Variants in ATXN1 observed in about 807,000 individuals in gnomAD.
The protein encoded by ATXN1 is ataxin 1.
A neutral mutation model predicts 56.4 loss-of-function variants in ATXN1; 8 were observed. The observed-to-expected ratio is 0.14, with a 90% CI of 0.08 to 0.26. The LOEUF (loss-of-function observed/expected upper bound fraction) is 0.26. ATXN1 is among the 10% of genes least tolerant of loss of function. The probability of loss-of-function intolerance (pLI) is 1.00; values close to 1 mark genes in which losing one functional copy is unlikely to be tolerated. For synonymous variants in ATXN1, 514 were observed against 494.6 expected (o/e 1.04, Z -0.52); for missense variants, 987 against 1,106.5 (o/e 0.89, Z 1.53).
At chr6:16,568,139 T>A (rs1237578535) in intron 4 of ATXN1, among the ~76,000 whole-genome samples, 2 of 152,220 alleles carry the variant, frequency 1.3e-5, no homozygotes, top group African/African-American at 4.8e-5. Context: ...TTTCTACAAT[T>A]TATAGGCGGA....
chr6:16,735,027 C>G (rs541264425), intron 2 of ATXN1, among the ~76,000 whole-genome samples: 3 of 152,150 alleles, frequency 2.0e-5, no homozygotes, highest in East Asian at 1.9e-4. Flanking sequence ...TTAGTAAAAA[C>G]AATTTTTGAA....
chr6:16,427,842 T>C (rs1254472177), intron 6 of ATXN1, among the ~76,000 whole-genome samples: 1 of 152,212 alleles, frequency 6.6e-6, no homozygotes, highest in Non-Finnish European at 1.5e-5. Context: ...GAAAATGTAT[T>C]CCATAGGGCT....
At chr6:16,716,687 G>T (rs1413454244) in intron 2 of ATXN1, among the ~76,000 whole-genome samples, 1 of 152,184 alleles carries the variant, frequency 6.6e-6, no homozygotes, top group African/African-American at 2.4e-5. Context: ...TTGGACTATG[G>T]TCTCTTTCAC....
intron 6 of ATXN1, among the ~76,000 whole-genome samples, chr6:16,370,604 T>G (rs976676711): frequency 6.6e-6 from 1 of 152,182 alleles, no homozygotes; most frequent in African/African-American, 2.4e-5. Context: ...GCTCCTAATA[T>G]CTCCAACATG....
chr6:16,322,231 A>G (rs1760671605), intron 7 of ATXN1, among the ~76,000 whole-genome samples: 1 of 152,162 alleles, frequency 6.6e-6, no homozygotes, highest in African/African-American at 2.4e-5. Flanking sequence ...TCTCAAAACA[A>G]GCAAACAAAC....
intron 7 of ATXN1, among the ~76,000 whole-genome samples, chr6:16,314,492 A>G (rs1760466671): frequency 6.6e-6 from 1 of 152,232 alleles, no homozygotes; most frequent in South Asian, 2.1e-4. Context: ...GATGTGAAAC[A>G]GAGACGGTGT....
intron 6 of ATXN1, among the ~76,000 whole-genome samples, chr6:16,341,912 C>T (rs1235022960): frequency 1.6e-5 from 2 of 128,824 alleles, no homozygotes; most frequent in Non-Finnish European, 3.1e-5. Context: ...GACGGAGTCT[C>T]GCTCTGTCAC....
Position 16,327,663 on chromosome 6 carries a change from C to CTGA in ATXN1, c.647_648insTCA (p.Gln215_Gln216insHis), listed in dbSNP as rs766029394. ...GCTGCTGCTGCTGCTGCTGCTGCTG[C>CTGA]TGCTGCTGCTGCTGATGCTGATGCT... On this transcript the variant is annotated inframe_insertion, in exon 7 of 8. Coordinates refer to ENST00000436367, the MANE Select transcript of ATXN1 (RefSeq NM_001128164.2). The CTGA allele has an allele frequency of 3.1e-3, 4,740 of 1,522,314 alleles. 12 individuals are homozygous for CTGA. The East Asian group carries it at 0.067, about 21-fold the overall frequency. The allele number at this position is 1,522,314 out of a possible 1,614,324, so 94.3% of individuals were successfully genotyped here.
chr6:16,679,752 C>A (rs978544158), intron 2 of ATXN1, among the ~76,000 whole-genome samples: 1 of 152,132 alleles, frequency 6.6e-6, no homozygotes, highest in African/African-American at 2.4e-5. Flanking sequence ...AGTATTGTAT[C>A]ACTACAGTTA....
chr6:16,509,276 T>C (rs1203623787), intron 5 of ATXN1, among the ~76,000 whole-genome samples: 1 of 152,208 alleles, frequency 6.6e-6, no homozygotes, highest in African/African-American at 2.4e-5. Flanking sequence ...ACTGTCATTT[T>C]CTATCCTGTC....
At chr6:16,585,113 C>T (rs1762599851) in intron 4 of ATXN1, among the ~76,000 whole-genome samples, 1 of 151,244 alleles carries the variant, frequency 6.6e-6, no homozygotes. Flanking sequence ...TGGTGATGTG[C>T]ACCTGTAGTC....
intron 5 of ATXN1, among the ~76,000 whole-genome samples, chr6:16,510,928 A>G (rs1761071694): frequency 6.6e-6 from 1 of 152,194 alleles, no homozygotes; most frequent in African/African-American, 2.4e-5. Flanking sequence ...CTGCTTGCCA[A>G]TAGTACACTT....
rs911311767 is a variant in ATXN1, at chr6:16,326,831, C to CA, written c.1479_1480insT (p.Val494CysfsTer5). 6.2e-7 allele frequency: 1 copy of CA among 1,607,374 alleles called. No homozygotes were observed. The highest frequency in any genetic ancestry group is 1.3e-5 in the African/African-American group (1 of 74,810). On this transcript the variant is annotated frameshift_variant, in exon 7 of 8. Coordinates refer to ENST00000436367, the MANE Select transcript of ATXN1 (RefSeq NM_001128164.2). LOFTEE classifies it high-confidence loss of function. This position sits in a 1 kb window ranked among gnomAD's most constrained non-coding sequence, Gnocchi z 6.6. The stretch of plus-strand genomic sequence containing the variant: ...GACGCTTCCATGTCAGTGCTGCCGA[C>CA]CGGGATGAGCAGGGGCTGTGTGCCG...
chr6:16,302,777 A>C lies in ATXN1; in HGVS notation c.*3552T>G, dbSNP rs1156972145. ...AAAAATGGAAAACAGGAAAGAAAGA[A>C]CAAAAGACGGCTGTCGGTAAATATT... On this transcript the variant is annotated 3_prime_UTR_variant, in exon 8 of 8. Coordinates refer to ENST00000436367, the MANE Select transcript of ATXN1 (RefSeq NM_001128164.2). 6.5e-6 allele frequency: 1 copy of C among 152,700 alleles called. No individual in the cohort carries two copies. The highest frequency in any genetic ancestry group is 2.4e-5 in the African/African-American group (1 of 41,466). The allele number at this position is 152,700 out of a possible 1,614,324, so 9.5% of individuals were successfully genotyped here. A position where few individuals can be genotyped will look rare whatever the true frequency, so the allele number is the denominator to read the frequency against.
At chr6:16,672,951 T>C (rs1205333831) in intron 2 of ATXN1, among the ~76,000 whole-genome samples, 4 of 136,210 alleles carry the variant, frequency 2.9e-5, no homozygotes, top group Non-Finnish European at 6.1e-5. Context: ...GAGACGGAGG[T>C]GGCACTGAGC....
chr6:16,354,917 TCCAGCATAGCTGGAGACTGG>T (rs1186543652), intron 6 of ATXN1, among the ~76,000 whole-genome samples: 9 of 152,232 alleles, frequency 5.9e-5, no homozygotes, highest in Non-Finnish European at 1.2e-4. Flanking sequence ...AGAAAATACC[TCCAGCATAGCTGGAGACTGG>T]CCAGAGGCCC....
chr6:16,349,440 T>C (rs1048258756), intron 6 of ATXN1, among the ~76,000 whole-genome samples: 9 of 151,914 alleles, frequency 5.9e-5, no homozygotes, highest in African/African-American at 2.2e-4. Context: ...GAGGCAGAGG[T>C]TGCAGTGAGC....
intron 6 of ATXN1, among the ~76,000 whole-genome samples, chr6:16,392,259 G>A (rs1758369037): frequency 6.6e-6 from 1 of 152,190 alleles, no homozygotes; most frequent in South Asian, 2.1e-4. Flanking sequence ...ATTGGGGAGG[G>A]CTGCCAAGCA....
At chr6:16,548,814 T>A (rs1265641904) in intron 4 of ATXN1, among the ~76,000 whole-genome samples, 1 of 152,046 alleles carries the variant, frequency 6.6e-6, no homozygotes, top group East Asian at 1.9e-4. Flanking sequence ...TCCCAGCTAC[T>A]CAGGAGGCTG....
Sources: allele counts gnomAD v4.1 joint callset (sites outside exome capture counted in the v4.1 genomes callset), GRCh38; gene constraint gnomAD v4.1.1; non-coding constraint Gnocchi (gnomAD v3.1); transcripts MANE v1.5; gene names NCBI Gene and HGNC (gene_info 2026-07-23, HGNC 2026-07-21).